RELN: variants seen among roughly 807,000 people sequenced by gnomAD.
RELN encodes reelin.
A neutral mutation model predicts 427.6 loss-of-function variants in RELN; 108 were observed. The observed-to-expected ratio is 0.25, with a 90% CI of 0.22 to 0.30. The LOEUF is 0.30. Among genes scored for constraint, RELN ranks in the 10% least tolerant of loss-of-function variants. RELN has a pLI of 1.00. For synonymous variants in RELN, 1,524 were observed against 1,513.4 expected (o/e 1.01, Z -0.16); for missense variants, 3,715 against 4,302.8 (o/e 0.86, Z 3.82).
At chr7:103,568,851 AAATT>A in intron 31 of RELN, among the ~76,000 whole-genome samples, 1 of 152,344 alleles carries the variant, frequency 6.6e-6, no homozygotes, top group African/African-American at 2.4e-5. Context: ...ATCATGAGAT[AAATT>A]GTCACTGGCT....
chr7:103,789,319 CAAAAGCCAAAATTGAT>C, intron 3 of RELN, among the ~76,000 whole-genome samples: 1 of 152,226 alleles, frequency 6.6e-6, no homozygotes, highest in African/African-American at 2.4e-5. Flanking sequence ...GCAACAGCAA[CAAAAGCCAAAATTGAT>C]AAATGGGATC....
At chr7:103,662,769 A>G (rs1360605490) in intron 11 of RELN, among the ~76,000 whole-genome samples, 1 of 152,120 alleles carries the variant, frequency 6.6e-6, no homozygotes, top group Non-Finnish European at 1.5e-5. Flanking sequence ...GTTTGGAAAG[A>G]GGGGAGTTCA....
chr7:103,483,825 C>G lies in RELN; in HGVS notation c.10009G>C (p.Gly3337Arg). ...CAGCTGTCCGTCTGCGACATGCTCC[C>G]AATTTGCAAAACAAACATGATTTTG... ...ASKIMFVLQI[G>R]SMSQTDSCNS... Residue 3337 changes from glycine (G) to arginine (R), a missense_variant, in exon 62 of 65, where the codon GGG becomes CGG. Gly to Arg is a moderately radical substitution (Grantham distance 125, BLOSUM62 -2). Around this residue, in one of 4 missense-constraint regions of RELN, gnomAD observed 195 missense variants for 281.3 expected, o/e 0.69. Transcript: ENST00000428762. 1 of 1,614,012 alleles carries G rather than the reference C, an allele frequency of 6.2e-7. No homozygotes were observed. The highest frequency in any genetic ancestry group is 8.5e-7 in the Non-Finnish European group (1 of 1,179,880).
At chr7:103,741,948 G>A (rs1790673146) in intron 6 of RELN, among the ~76,000 whole-genome samples, 1 of 152,166 alleles carries the variant, frequency 6.6e-6, no homozygotes, top group Non-Finnish European at 1.5e-5. Flanking sequence ...CTTGAGATCT[G>A]AGAACGGGCA....
At chr7:103,632,461 G>T (rs141493732) in intron 19 of RELN, among the ~76,000 whole-genome samples, 18 of 152,298 alleles carry the variant, frequency 1.2e-4, no homozygotes, top group African/African-American at 3.4e-4. Flanking sequence ...ATCTCTTTAA[G>T]ATTAAGCAGA....
chr7:103,554,569 C>CA (rs56319660), intron 38 of RELN, among the ~76,000 whole-genome samples: 6,642 of 103,266 alleles, frequency 0.064, 600 homozygotes, highest in African/African-American at 0.16. Context: ...GATGCTGTCT[C>CA]AAAAAAAAAA....
At chr7:103,558,215 CCT>C (rs1338018482) in intron 36 of RELN, among the ~76,000 whole-genome samples, 166 bp from the exon 37 acceptor site, 1 of 152,052 alleles carries the variant, frequency 6.6e-6, no homozygotes, top group Non-Finnish European at 1.5e-5. Context: ...CCTTGTTTCC[CCT>C]CTCTTAATGG....
At chr7:103,657,127 G>A (rs1833038075) in intron 12 of RELN, among the ~76,000 whole-genome samples, 1 of 152,040 alleles carries the variant, frequency 6.6e-6, no homozygotes, top group African/African-American at 2.4e-5. Context: ...AATTTGAACT[G>A]AGAATGGAGA....
intron 10 of RELN, among the ~76,000 whole-genome samples, chr7:103,687,276 G>C (rs1292953735): frequency 6.6e-6 from 1 of 152,158 alleles, no homozygotes; most frequent in Non-Finnish European, 1.5e-5. Flanking sequence ...GACTTTCACA[G>C]TGTTGGAGGC....
intron 19 of RELN, 134 bp from the exon 20 acceptor site, chr7:103,630,310 G>C (rs981175023): frequency 1.4e-5 from 9 of 659,398 alleles, no homozygotes; most frequent in African/African-American, 1.1e-4. Context: ...ATTTTTTTTT[G>C]AGATGTCCAG....
At chr7:103,568,102 T>C (rs555270270) in intron 31 of RELN, among the ~76,000 whole-genome samples, 3 of 152,338 alleles carry the variant, frequency 2.0e-5, no homozygotes, top group South Asian at 4.1e-4. Context: ...CAGCAAATTC[T>C]AACTCTTTTG....
intron 2 of RELN, among the ~76,000 whole-genome samples, chr7:103,856,842 T>C (rs1584302491): frequency 6.6e-6 from 1 of 152,234 alleles, no homozygotes; most frequent in Non-Finnish European, 1.5e-5. Flanking sequence ...CATAATTATA[T>C]ATTTGTCGAT....
intron 3 of RELN, among the ~76,000 whole-genome samples, chr7:103,830,787 G>A (rs39361): frequency 0.36 from 54,558 of 151,792 alleles, 10,298 homozygotes; most frequent in Non-Finnish European, 0.42. Flanking sequence ...CAACAAAAGC[G>A]TCTTGCCCAC....
intron 1 of RELN, among the ~76,000 whole-genome samples, chr7:103,946,764 G>A (rs756646529): frequency 6.6e-6 from 1 of 152,146 alleles, no homozygotes; most frequent in African/African-American, 2.4e-5. Flanking sequence ...AATGCATTAA[G>A]CTTTTGATGA....
chr7:103,540,949 G>A (rs536873995), intron 43 of RELN, among the ~76,000 whole-genome samples: 9 of 150,622 alleles, frequency 6.0e-5, no homozygotes, highest in Non-Finnish European at 1.0e-4. Context: ...TCATATTATT[G>A]GCTTTGGGAG....
rs146986040 is a variant in RELN, at chr7:103,661,529, T to TAA, written c.1290-4_1290-3dup. ...ATGACAGCTCCCAAGACATCCCATC[T>TAA]AAAAAAAAAGGGGGATTAAGAGTTA... On this transcript the variant is annotated splice_region_variant and splice_polypyrimidine_tract_variant and intron_variant, in intron 11 of 64. Transcript: ENST00000428762. 3 of 1,588,214 alleles carry TAA rather than the reference T, an allele frequency of 1.9e-6. No homozygotes were observed. The African/African-American group carries it at 4.1e-5, about 22-fold the overall frequency.
chr7:103,972,892 TTA>T (rs1324870348), intron 1 of RELN, among the ~76,000 whole-genome samples: 2 of 73,728 alleles, frequency 2.7e-5, no homozygotes, highest in African/African-American at 7.5e-5. Context: ...GGGCATATGA[TTA>T]TGTGTGTGTG....
intron 3 of RELN, among the ~76,000 whole-genome samples, chr7:103,781,039 C>T (rs1157826356): frequency 6.6e-6 from 1 of 152,118 alleles, no homozygotes; most frequent in Non-Finnish European, 1.5e-5. Context: ...CCTTAGAACC[C>T]TCAGATAACA....
At chr7:103,901,437 C>T (rs900931806) in intron 2 of RELN, among the ~76,000 whole-genome samples, 1 of 151,914 alleles carries the variant, frequency 6.6e-6, no homozygotes, top group Admixed American at 6.6e-5. Context: ...GATGTTCACA[C>T]AAAAACTTGT....
Sources: gnomAD v4.1 joint callset for allele counts (sites outside exome capture counted in the v4.1 genomes callset) on GRCh38, gnomAD v4.1.1 for gene constraint, gnomAD v4.1.1 regional missense constraint, MANE v1.5 for transcripts, NCBI Gene and HGNC (gene_info 2026-07-23, HGNC 2026-07-21) for gene names.